NFATC1: variants seen among roughly 807,000 people sequenced by gnomAD.
NFATC1 encodes the protein nuclear factor of activated T cells 1, also known as nuclear factor of activated T-cells, cytoplasmic 1.
NFATC1 carries 22 observed loss-of-function variants against 76.0 expected under a neutral mutation model. That is an observed-to-expected ratio of 0.29 (90% CI 0.21 to 0.41). The LOEUF (loss-of-function observed/expected upper bound fraction) is 0.41. Among genes scored for constraint, NFATC1 ranks in the 10% least tolerant of loss-of-function variants. The probability of loss-of-function intolerance (pLI) is 1.00; values close to 1 mark genes in which losing one functional copy is unlikely to be tolerated. For synonymous variants in NFATC1, 704 were observed against 613.1 expected, an observed-to-expected ratio of 1.15 and a Z score of -2.19; for missense variants, 1,357 against 1,337.7, an observed-to-expected ratio of 1.01 and a Z score of -0.23.
At chr18:79,398,320 G>A (rs978547815) in intron 1 of NFATC1, among the ~76,000 whole-genome samples, 2 of 152,202 alleles carry the variant, frequency 1.3e-5, no homozygotes, top group Admixed American at 6.5e-5. Flanking sequence ...ACTTCACAGC[G>A]TTGTTTCCCA....
intron 7 of NFATC1, among the ~76,000 whole-genome samples, chr18:79,464,396 G>A (rs1211996327): frequency 6.6e-6 from 1 of 151,838 alleles, no homozygotes; most frequent in Non-Finnish European, 1.5e-5. Flanking sequence ...CGCCCGGCCT[G>A]CTGTTTCATT....
intron 6 of NFATC1, among the ~76,000 whole-genome samples, chr18:79,460,092 G>T (rs1305506692): frequency 6.6e-6 from 1 of 152,222 alleles, no homozygotes; most frequent in Non-Finnish European, 1.5e-5. Context: ...TAATTTGCGT[G>T]GGGACCTCGG....
At chr18:79,515,996 A>G (rs1331619341) in intron 9 of NFATC1, 4 of 150,938 alleles carry the variant, frequency 2.7e-5, no homozygotes, top group Admixed American at 2.0e-4. Context: ...ACGCGCCCGC[A>G]TGCCGTCTCG....
rs746521176 is a variant in NFATC1 at position 79,410,742 on chromosome 18, C to T, written c.467C>T (p.Thr156Met). 5.0e-6 allele frequency: 8 copies of T among 1,612,942 alleles called. No individual in the cohort carries two copies. Among genetic ancestry groups the T allele is most frequent in the African/African-American group, 2.7e-5 (2 of 74,926 alleles). Residue 156 changes from threonine to methionine, a missense_variant, in exon 2 of 10, where the codon ACG (threonine) becomes ATG (methionine). Coordinates refer to ENST00000427363, the MANE Select transcript of NFATC1 (RefSeq NM_001278669.2). This position sits in a 1 kb window ranked among gnomAD's most constrained non-coding sequence, Gnocchi z 6.7. ...TCCAAACGGTCCCCCTCCACGGCCA[C>T]GCTGAGTCTGCCCAGCCTGGAGGCC... is the stretch of plus-strand genomic sequence containing the variant. ...PSSKRSPSTA[T>M]LSLPSLEAYR...
At chr18:79,483,798 A>G (rs1422666799) in intron 8 of NFATC1, among the ~76,000 whole-genome samples, 256 of 57,708 alleles carry the variant, frequency 4.4e-3, no homozygotes, top group Middle Eastern at 0.024. Context: ...CTCGTTCCTG[A>G]GGTGTCACTC....
At chr18:79,522,888 C>G (rs1569056272) in intron 9 of NFATC1, among the ~76,000 whole-genome samples, 1 of 152,246 alleles carries the variant, frequency 6.6e-6, no homozygotes, top group African/African-American at 2.4e-5. Context: ...ACATCTAACA[C>G]TGTGGCTTGC....
In NFATC1 at chr18:79,506,238, T is replaced by C. The variant is rs569973852; in HGVS notation, c.2782+19301T>C. 5.3e-5 allele frequency among the ~76,000 whole-genome samples: 8 copies of C among 152,260 alleles called. No homozygotes were observed. In the East Asian group the frequency reaches 1.5e-3, roughly 29 times the overall value. On this transcript the variant is annotated intron_variant, in intron 9 of 9. Transcript: ENST00000427363. ...GTTTCAGTTGCCTCCTCAGCCGCAG[T>C]GTGGAGAGGAACAGTGGTCTCGGCC...
intron 1 of NFATC1, among the ~76,000 whole-genome samples, chr18:79,402,158 CCGCCGG>C (rs1043376962): frequency 3.6e-4 from 55 of 152,388 alleles, no homozygotes; most frequent in African/African-American, 1.3e-3. Context: ...GGGAAGGACA[CCGCCGG>C]CGGCGGCATC....
At chr18:79,490,879 G>A (rs949352675) in intron 9 of NFATC1, among the ~76,000 whole-genome samples, 2 of 152,164 alleles carry the variant, frequency 1.3e-5, no homozygotes, top group African/African-American at 4.8e-5. Flanking sequence ...CACAAACGCC[G>A]TGACATAAAC....
intron 9 of NFATC1, among the ~76,000 whole-genome samples, chr18:79,526,146 GA>G (rs796080170): frequency 2.1e-4 from 32 of 152,384 alleles, no homozygotes; most frequent in African/African-American, 7.7e-4. Flanking sequence ...TGCCTCTGGT[GA>G]GGAGCTGCCG....
Position 79,411,154 on chromosome 18 carries a change from C to T in NFATC1, c.879C>T (p.Val293=), listed in dbSNP as rs368884975. ...PTPSPHGSPR[V]SVTDDSWLGN... ...CGTCCCCGCACGGCTCCCCGCGGGT[C>T]AGCGTGACCGACGACTCGTGGTTGG... Residue 293 remains valine (V), a synonymous_variant, in exon 2 of 10, where the codon GTC becomes GTT. Transcript: ENST00000427363. 6.2e-7 allele frequency: 1 copy of T among 1,612,252 alleles called. No homozygotes were observed. Among genetic ancestry groups the T allele is most frequent in the Non-Finnish European group, 8.5e-7 (1 of 1,179,840 alleles).
chr18:79,440,419 T>G (rs1191777789), intron 3 of NFATC1, among the ~76,000 whole-genome samples: 1 of 152,194 alleles, frequency 6.6e-6, no homozygotes, highest in Non-Finnish European at 1.5e-5. Context: ...GGAGACCACA[T>G]GAGAAGCGGC....
At chr18:79,429,273 T>A (rs2086503652) in intron 2 of NFATC1, among the ~76,000 whole-genome samples, 1 of 150,734 alleles carries the variant, frequency 6.6e-6, no homozygotes. Context: ...AAAACACCCT[T>A]TGGCTCTGTG....
chr18:79,406,773 T>C (rs2085455149), intron 1 of NFATC1, among the ~76,000 whole-genome samples: 2 of 150,470 alleles, frequency 1.3e-5, no homozygotes, highest in Admixed American at 6.6e-5. Flanking sequence ...CCCTCGTGGG[T>C]CCCCCACCGC....
chr18:79,457,177 A>AC (rs945498483), intron 6 of NFATC1, among the ~76,000 whole-genome samples: 1 of 151,940 alleles, frequency 6.6e-6, no homozygotes, highest in African/African-American at 2.4e-5. Flanking sequence ...GCCGGGCTGA[A>AC]CCCCCAGGCT....
intron 1 of NFATC1, among the ~76,000 whole-genome samples, chr18:79,401,764 C>T (rs976877692): frequency 9.2e-5 from 14 of 152,178 alleles, no homozygotes; most frequent in African/African-American, 3.1e-4. Flanking sequence ...CTCCCACACC[C>T]GTGCAGTCAT....
At chr18:79,491,540 G>C (rs2089676456) in intron 9 of NFATC1, among the ~76,000 whole-genome samples, 1 of 152,232 alleles carries the variant, frequency 6.6e-6, no homozygotes, top group Non-Finnish European at 1.5e-5. Context: ...GGGCCGATCG[G>C]ACACAAGGCC....
intron 8 of NFATC1, among the ~76,000 whole-genome samples, chr18:79,485,369 C>T (rs2089463662): frequency 6.6e-6 from 1 of 152,270 alleles, no homozygotes; most frequent in African/African-American, 2.4e-5. Context: ...CTAAGTAGCA[C>T]GAGAGGCCTG....
At chr18:79,480,634 C>G (rs1292512890) in intron 8 of NFATC1, among the ~76,000 whole-genome samples, 2 of 152,170 alleles carry the variant, frequency 1.3e-5, no homozygotes, top group African/African-American at 4.8e-5. Flanking sequence ...GGGGCCGTGT[C>G]TGAGCCGTGT....
Sources: allele counts gnomAD v4.1 joint callset (sites outside exome capture counted in the v4.1 genomes callset), GRCh38; gene constraint gnomAD v4.1.1; non-coding constraint Gnocchi (gnomAD v3.1); transcripts MANE v1.5; gene names NCBI Gene and HGNC (gene_info 2026-07-23, HGNC 2026-07-21).